Variants in LPP observed in about 807,000 individuals in gnomAD.
LPP encodes lipoma-preferred partner.
In LPP, 38 loss-of-function variants were observed where a neutral mutation model predicts 60.4. The observed-to-expected ratio is 0.63, with a 90% CI of 0.49 to 0.83. The LOEUF is 0.83. Ranked by LOEUF, LPP falls within the 40% of genes least tolerant of loss-of-function variation. LPP has a pLI of 0.00. For synonymous variants in LPP, 328 were observed against 290.8 expected (o/e 1.13, Z -1.30); for missense variants, 902 against 783.6 (o/e 1.15, Z -1.80).
At chr3:188,705,447 G>A (rs529623109) in intron 7 of LPP, among the ~76,000 whole-genome samples, 80 of 151,886 alleles carry the variant, frequency 5.3e-4, no homozygotes, top group African/African-American at 1.7e-3. Flanking sequence ...ACCAACCTTC[G>A]TCATTTAATT....
intron 1 of LPP, among the ~76,000 whole-genome samples, chr3:188,210,405 C>T (rs1734387532): frequency 1.3e-5 from 2 of 152,116 alleles, no homozygotes; most frequent in Admixed American, 1.3e-4. Flanking sequence ...GGGGAGGAAC[C>T]AGATTTCAGT....
chr3:188,298,007 A>C, intron 2 of LPP, among the ~76,000 whole-genome samples: 1 of 152,188 alleles, frequency 6.6e-6, no homozygotes, highest in East Asian at 1.9e-4. Flanking sequence ...AATTAAAGTA[A>C]TTTACAGAGA....
At chr3:188,796,168 G>A (rs1350016500) in intron 9 of LPP, among the ~76,000 whole-genome samples, 2 of 152,162 alleles carry the variant, frequency 1.3e-5, no homozygotes, top group African/African-American at 4.8e-5. Context: ...ACCTGACTTA[G>A]ACAGAGATTA....
chr3:188,550,672 T>G (rs1186803840), intron 6 of LPP, among the ~76,000 whole-genome samples: 1 of 151,962 alleles, frequency 6.6e-6, no homozygotes, highest in Non-Finnish European at 1.5e-5. Flanking sequence ...TAAATCTTAG[T>G]AAAGCAGGAA....
chr3:188,821,733 C>G (rs920582104), intron 9 of LPP, among the ~76,000 whole-genome samples: 1 of 151,936 alleles, frequency 6.6e-6, no homozygotes, highest in African/African-American at 2.4e-5. Context: ...CTGTTTTATT[C>G]TCAGAGACAT....
chr3:188,280,280 C>T (rs1313957896), intron 2 of LPP, among the ~76,000 whole-genome samples: 2 of 152,162 alleles, frequency 1.3e-5, no homozygotes, highest in African/African-American at 4.8e-5. Flanking sequence ...CTGCCTCTGT[C>T]AGTCATCTCT....
chr3:188,253,180 ATCTC>A (rs1379648792), intron 2 of LPP, among the ~76,000 whole-genome samples: 1 of 151,120 alleles, frequency 6.6e-6, no homozygotes, highest in Non-Finnish European at 1.5e-5. Flanking sequence ...TATTACACAT[ATCTC>A]TCCCAATTTG....
At chr3:188,370,571 T>C (rs1172780642) in intron 3 of LPP, among the ~76,000 whole-genome samples, 1 of 152,202 alleles carries the variant, frequency 6.6e-6, no homozygotes, top group African/African-American at 2.4e-5. Flanking sequence ...GTATTGCCAG[T>C]GTTTTATGCA....
intron 2 of LPP, among the ~76,000 whole-genome samples, chr3:188,301,981 A>G (rs1750018851): frequency 9.8e-6 from 1 of 102,548 alleles, no homozygotes; most frequent in Non-Finnish European, 1.9e-5. Flanking sequence ...AAAAAAAAAG[A>G]AAAAAAAAAC....
chr3:188,471,780 T>C (rs1801909076), intron 4 of LPP, among the ~76,000 whole-genome samples: 1 of 152,200 alleles, frequency 6.6e-6, no homozygotes, highest in African/African-American at 2.4e-5. Context: ...TTTTTTAATG[T>C]AATGCATTTA....
chr3:188,514,441 A>ATT (rs113726600), intron 5 of LPP, among the ~76,000 whole-genome samples: 2 of 129,654 alleles, frequency 1.5e-5, no homozygotes, highest in African/African-American at 5.2e-5. Flanking sequence ...TTTTTATTTT[A>ATT]TTTTTTTTTT....
At chr3:188,752,292 C>T (rs1414821371) in intron 8 of LPP, among the ~76,000 whole-genome samples, 1 of 152,144 alleles carries the variant, frequency 6.6e-6, no homozygotes, top group Non-Finnish European at 1.5e-5. Flanking sequence ...GGATAAGTGA[C>T]TCAACTAAGA....
intron 8 of LPP, among the ~76,000 whole-genome samples, chr3:188,723,326 G>A (rs774859040): frequency 2.6e-5 from 4 of 152,142 alleles, no homozygotes; most frequent in Non-Finnish European, 5.9e-5. Flanking sequence ...GCAGGTAGTC[G>A]GAAACCTAGT....
chr3:188,830,545 C>T (rs779014040), intron 9 of LPP, among the ~76,000 whole-genome samples: 1 of 151,732 alleles, frequency 6.6e-6, no homozygotes, highest in Non-Finnish European at 1.5e-5. Context: ...GCAGAGGTTG[C>T]AGTGAGCCAA....
chr3:188,496,911 A>G (rs1810390290), intron 5 of LPP, among the ~76,000 whole-genome samples: 1 of 152,064 alleles, frequency 6.6e-6, no homozygotes, highest in Admixed American at 6.5e-5. Context: ...TTTTATTTGT[A>G]TTTTACTAAT....
chr3:188,474,900 G>T (rs905599440), intron 4 of LPP, among the ~76,000 whole-genome samples: 15 of 152,286 alleles, frequency 9.8e-5, no homozygotes, highest in African/African-American at 2.6e-4. Context: ...TTGTTGTCTG[G>T]ATAGCAATTA....
chr3:188,425,730 T>G, intron 4 of LPP, among the ~76,000 whole-genome samples: 1 of 152,212 alleles, frequency 6.6e-6, no homozygotes, highest in East Asian at 1.9e-4. Context: ...TCTACTTTAT[T>G]TGCATATAGG....
intron 6 of LPP, among the ~76,000 whole-genome samples, chr3:188,546,530 A>T (rs919077): frequency 0.43 from 65,836 of 151,970 alleles, 15,353 homozygotes; most frequent in East Asian, 0.92. Flanking sequence ...CACTAGTTCC[A>T]TACAGAGTTT....
In LPP at chr3:188,288,818, A is replaced by AAC. The variant is rs1553851074; in HGVS notation, c.-66-52845_-66-52844insAC. 4.7e-3 allele frequency among the ~76,000 whole-genome samples: 127 copies of AAC among 27,064 alleles called. 3 individuals are homozygous for AAC. The highest frequency in any genetic ancestry group is 0.022 in the African/African-American group (110 of 5,062). 17.8% of individuals were successfully genotyped at this position (27,064 alleles called of 152,430 possible). ...ATCTCTCTCTCTCTCTCCACCCCCC[A>AAC]CCCCCCACCCCCACCCCCCCGCCCC... On this transcript the variant is annotated intron_variant, in intron 2 of 11. Coordinates refer to ENST00000617246, the MANE Select transcript of LPP (RefSeq NM_001375462.1).
Sources: allele counts gnomAD v4.1 joint callset (sites outside exome capture counted in the v4.1 genomes callset), GRCh38; gene constraint gnomAD v4.1.1; transcripts MANE v1.5; gene names NCBI Gene and HGNC (gene_info 2026-07-23, HGNC 2026-07-21).